GULP1: variants seen among roughly 807,000 people sequenced by gnomAD.
The protein encoded by GULP1 is PTB domain-containing engulfment adapter protein 1.
Under a neutral mutation model 40.9 loss-of-function variants are expected in GULP1, and 19 were observed. That is an observed-to-expected ratio of 0.46 (90% CI 0.32 to 0.68). GULP1 has a LOEUF of 0.68. GULP1 is among the 30% of genes least tolerant of loss of function. The probability of loss-of-function intolerance (pLI) is 0.03; values close to 1 mark genes in which losing one functional copy is unlikely to be tolerated. For missense variants in GULP1, 312 were observed against 362.2 expected (o/e 0.86, Z 1.12); for synonymous variants, 119 against 117.6 (o/e 1.01, Z -0.08).
chr2:188,329,441 G>A (rs2041244562), intron 1 of GULP1, among the ~76,000 whole-genome samples: 1 of 152,100 alleles, frequency 6.6e-6, no homozygotes, highest in African/African-American at 2.4e-5. Flanking sequence ...AAGCCATGGA[G>A]GTGTGTGGGG....
At chr2:188,524,575 A>G (rs1289598865) in intron 5 of GULP1, among the ~76,000 whole-genome samples, 1 of 151,028 alleles carries the variant, frequency 6.6e-6, no homozygotes, top group African/African-American at 2.4e-5. Flanking sequence ...GAATAAAACA[A>G]TGCTTTTTAT....
intron 2 of GULP1, among the ~76,000 whole-genome samples, chr2:188,414,870 C>T (rs1322759360): frequency 6.6e-6 from 1 of 151,938 alleles, no homozygotes; most frequent in Non-Finnish European, 1.5e-5. Flanking sequence ...ATTAATCTGC[C>T]TGGCTATTTT....
chr2:188,546,702 T>G (rs572589237), intron 7 of GULP1, among the ~76,000 whole-genome samples: 17 of 151,928 alleles, frequency 1.1e-4, no homozygotes, highest in African/African-American at 4.1e-4. Context: ...AGACGGAAGA[T>G]AAGATTAATA....
At chr2:188,363,421 C>G (rs957515310) in intron 1 of GULP1, among the ~76,000 whole-genome samples, 83 of 152,080 alleles carry the variant, frequency 5.5e-4, no homozygotes, top group African/African-American at 1.9e-3. Flanking sequence ...TTGCAGGGAC[C>G]TAATTATGGA....
chr2:188,352,433 C>A (rs1353086428), intron 1 of GULP1, among the ~76,000 whole-genome samples: 1 of 152,122 alleles, frequency 6.6e-6, no homozygotes, highest in Non-Finnish European at 1.5e-5. Flanking sequence ...ACTCCATTGG[C>A]TTTCCTGATT....
intron 7 of GULP1, among the ~76,000 whole-genome samples, chr2:188,546,536 A>G (rs565759211): frequency 2.0e-5 from 3 of 152,192 alleles, no homozygotes; most frequent in African/African-American, 7.2e-5. Context: ...AGTAGAGCGT[A>G]TCAACATTTG....
intron 4 of GULP1, among the ~76,000 whole-genome samples, chr2:188,500,476 G>A (rs1388736414): frequency 6.6e-6 from 1 of 151,816 alleles, no homozygotes; most frequent in East Asian, 1.9e-4. Context: ...CATCAAAATT[G>A]CTCAAAGGTG....
At chr2:188,560,233 A>G (rs1183197465) in intron 7 of GULP1, among the ~76,000 whole-genome samples, 1 of 152,152 alleles carries the variant, frequency 6.6e-6, no homozygotes. Flanking sequence ...TTGCTTAGAA[A>G]TTTCTTCCTC....
At chr2:188,323,648 ATATG>A (rs542436239) in intron 1 of GULP1, among the ~76,000 whole-genome samples, 3 of 60,884 alleles carry the variant, frequency 4.9e-5, no homozygotes, top group East Asian at 7.5e-4. Context: ...ATATCTGAAG[ATATG>A]TGTGTGTGTG....
At chr2:188,329,687 G>A (rs1326071912) in intron 1 of GULP1, among the ~76,000 whole-genome samples, 3 of 152,116 alleles carry the variant, frequency 2.0e-5, no homozygotes, top group Admixed American at 2.0e-4. Flanking sequence ...CTACTATTTG[G>A]AGAATAATCT....
intron 7 of GULP1, among the ~76,000 whole-genome samples, chr2:188,560,065 C>T (rs1312577721): frequency 6.6e-6 from 1 of 152,168 alleles, no homozygotes; most frequent in Non-Finnish European, 1.5e-5. Context: ...TCTTTATCAG[C>T]AGCGTGAAAG....
chr2:188,383,445 G>A (rs2049267366), intron 1 of GULP1, among the ~76,000 whole-genome samples: 1 of 152,112 alleles, frequency 6.6e-6, no homozygotes, highest in Non-Finnish European at 1.5e-5. Flanking sequence ...GAGATAGTTG[G>A]GGCTACTTCT....
At chr2:188,353,009 A>C (rs766725693) in intron 1 of GULP1, among the ~76,000 whole-genome samples, 4 of 152,210 alleles carry the variant, frequency 2.6e-5, no homozygotes, top group Non-Finnish European at 5.9e-5. Flanking sequence ...AGGTTTTGGC[A>C]GAAACATGAG....
intron 1 of GULP1, among the ~76,000 whole-genome samples, chr2:188,360,790 T>C (rs1463030938): frequency 6.6e-6 from 1 of 152,132 alleles, no homozygotes; most frequent in African/African-American, 2.4e-5. Flanking sequence ...ACAAACTGCC[T>C]TTTAGAAATT....
intron 3 of GULP1, among the ~76,000 whole-genome samples, chr2:188,480,590 A>C (rs989296944): frequency 6.6e-6 from 1 of 152,008 alleles, no homozygotes; most frequent in African/African-American, 2.4e-5. Context: ...TATTACAGTC[A>C]TATCATTTTG....
chr2:188,480,546 A>G (rs2153048674), intron 3 of GULP1, among the ~76,000 whole-genome samples: 1 of 152,038 alleles, frequency 6.6e-6, no homozygotes, highest in Admixed American at 6.6e-5. Flanking sequence ...TAATGGTGTT[A>G]GAGTTACTCA....
At chr2:188,536,764 G>A (rs192083733) in intron 6 of GULP1, among the ~76,000 whole-genome samples, 131 of 152,002 alleles carry the variant, frequency 8.6e-4, no homozygotes, top group African/African-American at 3.1e-3. Context: ...AATCTGTATT[G>A]TTTGGGCAAT....
At chr2:188,498,916 C>G (rs767350883) in intron 4 of GULP1, among the ~76,000 whole-genome samples, 1 of 151,122 alleles carries the variant, frequency 6.6e-6, no homozygotes, top group Non-Finnish European at 1.5e-5. Flanking sequence ...TCTGGCTTTA[C>G]GTGGAGAAGG....
chr2:188,404,297 A>G (rs537384725), intron 2 of GULP1, among the ~76,000 whole-genome samples: 4 of 152,266 alleles, frequency 2.6e-5, no homozygotes, highest in African/African-American at 9.6e-5. Context: ...CATGCATGCA[A>G]ATACCTTCAG....
Sources: gnomAD v4.1 joint callset for allele counts (sites outside exome capture counted in the v4.1 genomes callset) on GRCh38, gnomAD v4.1.1 for gene constraint, MANE v1.5 for transcripts, NCBI Gene and HGNC (gene_info 2026-07-23, HGNC 2026-07-21) for gene names.